PLK5: variants seen among roughly 807,000 people sequenced by gnomAD.
PLK5 encodes the protein polo like kinase 5 (inactive).
A neutral mutation model predicts 33.7 loss-of-function variants in PLK5; 28 were observed. The observed-to-expected ratio is 0.83, with a 90% CI of 0.62 to 1.14. The LOEUF (loss-of-function observed/expected upper bound fraction) is 1.14. Ranked by LOEUF, PLK5 falls within the 50% of genes most tolerant of loss-of-function variation. The probability of loss-of-function intolerance (pLI) is 0.00; values close to 1 mark genes in which losing one functional copy is unlikely to be tolerated. For synonymous variants in PLK5, 225 were observed against 202.2 expected (o/e 1.11, Z -0.96); for missense variants, 492 against 461.5 (o/e 1.07, Z -0.61).
In PLK5 at chr19:1,526,994, A is replaced by G. The variant is rs1411878354; in HGVS notation, c.-3A>G. The G allele has an allele frequency of 6.6e-7, 1 of 1,513,370 alleles. No individual in the cohort carries two copies. Among genetic ancestry groups the G allele is most frequent in the Non-Finnish European group, 8.8e-7 (1 of 1,134,452 alleles). 93.7% of individuals were successfully genotyped at this position (1,513,370 alleles called of 1,614,324 possible). ...GTAGGACATCTGGGCTCTGGGCTGC[A>G]TCATGTGAGTGGGGTCCTGGAGAAG... On this transcript the variant is annotated 5_prime_UTR_variant, in exon 6 of 14. Transcript: ENST00000454744.
In PLK5 at chr19:1,526,524, G is replaced by A. The variant is rs539789037; in HGVS notation, c.-274G>A. 96 of 279,256 alleles carry A rather than the reference G, an allele frequency of 3.4e-4. 1 individual carries two copies. The highest frequency in any genetic ancestry group is 1.9e-3 in the African/African-American group (84 of 43,202). 17.3% of individuals were successfully genotyped at this position (279,256 alleles called of 1,614,324 possible). On this transcript the variant is annotated 5_prime_UTR_variant, in exon 4 of 14. Coordinates refer to ENST00000454744, the MANE Select transcript of PLK5 (RefSeq NM_001243079.2). ...TGCTGAGGGCGCGGCAGATCCTGAC[G>A]GAGCCAGAAGTGCGCGACTACCTGC...
chr19:1,526,385 GCACCTGCGCT>G, intron 3 of PLK5, 91 bp from the exon 4 acceptor site: 1 of 179,030 alleles, frequency 5.6e-6, no homozygotes, highest in South Asian at 1.0e-4. Flanking sequence ...TCACCTGTGT[GCACCTGCGCT>G]CACCTGTGCT....
chr19:1,528,873 C>T (rs755896867), intron 8 of PLK5, 25 bp from the exon 9 acceptor site: 3 of 1,490,568 alleles, frequency 2.0e-6, no homozygotes, highest in Non-Finnish European at 8.9e-7. Context: ...GCTGTGCCCC[C>T]TCCAAGGCCT....
chr19:1,534,528 G>A (rs1182838544), intron 13 of PLK5, among the ~76,000 whole-genome samples: 55 of 134,906 alleles, frequency 4.1e-4, no homozygotes, highest in Non-Finnish European at 7.0e-4. Context: ...AAAAAAGGCC[G>A]GGCACGGTGG....
chr19:1,534,560 C>T (rs1914033224), intron 13 of PLK5, among the ~76,000 whole-genome samples: 1 of 146,486 alleles, frequency 6.8e-6, no homozygotes, highest in South Asian at 2.1e-4. Flanking sequence ...AATCCCAGCA[C>T]TTTGGGAGGC....
chr19:1,533,895 CCTG>C (rs974840974), intron 12 of PLK5, 33 bp from the exon 13 acceptor site: 1 of 1,478,456 alleles, frequency 6.8e-7, no homozygotes, highest in African/African-American at 1.4e-5. Flanking sequence ...GGGGACGCCC[CCTG>C]CGTCACGTGA....
At position 1,524,296 on chromosome 19, in the gene PLK5, T is replaced by TGG. The variant is rs879512637; in HGVS notation, c.-544+53_-544+54dup. 3 of 151,130 alleles carry TGG rather than the reference T, an allele frequency of 2.0e-5. No homozygotes were observed. The highest frequency in any genetic ancestry group is 3.0e-5 in the Non-Finnish European group (2 of 67,698). 9.4% of individuals were successfully genotyped at this position (151,130 alleles called of 1,614,324 possible). A position where few individuals can be genotyped will look rare whatever the true frequency, so the allele number is the denominator to read the frequency against. On this transcript the variant is annotated intron_variant, in intron 1 of 13. Transcript: ENST00000454744. This position sits in a 1 kb window ranked among gnomAD's most constrained non-coding sequence, Gnocchi z 4.5. Reference sequence around the variant, plus strand: ...GCGACGGGGCCGGACCGGGCTGGGCTGGGGTCCCGGGGCGCGCGGGCGATC... The same window carrying TGG: ...GCGACGGGGCCGGACCGGGCTGGGCTGGGGGGTCCCGGGGCGCGCGGGCGATC...
At chr19:1,527,639 A>G (rs1315978064) in intron 6 of PLK5, among the ~76,000 whole-genome samples, 1 of 151,968 alleles carries the variant, frequency 6.6e-6, no homozygotes, top group Non-Finnish European at 1.5e-5. Context: ...AGGTGTATGC[A>G]GGTGAGTTCA....
Position 1,533,987 on chromosome 19 carries a change from C to T in PLK5, c.771C>T (p.Arg257=). 6.5e-7 allele frequency: 1 copy of T among 1,535,416 alleles called. No individual in the cohort carries two copies. The highest frequency in any genetic ancestry group is 8.7e-7 in the Non-Finnish European group (1 of 1,146,788). The change falls in exon 13 of 14, where the codon CGC becomes CGT. Residue 257 remains arginine (R), a synonymous_variant. Transcript: ENST00000454744. ...CTGGACCCGGCCTCTGCCTCCTGCG[C>T]TTCCTGGCCTCTGAGCACGCCCTGC... ...PPAGPGLCLL[R]FLASEHALLL... is the part of the protein sequence containing the mutation.
rs986381953 is a variant in PLK5, at chr19:1,531,402, T to C, written c.569-336T>C. Among the ~76,000 whole-genome samples the C allele has an allele frequency of 2.2e-5, 3 of 138,098 alleles. No homozygotes were observed. The Admixed American group carries it at 2.4e-4, about 11-fold the overall frequency. The allele number at this position is 138,098 out of a possible 152,430, so 90.6% of individuals were successfully genotyped here. Reference sequence around the variant, plus strand: ...CCAGCCTGGGGACAGAGCAAGACTCTGTCTCAAAAAAACAAAACAAAACAA... The same window carrying C: ...CCAGCCTGGGGACAGAGCAAGACTCCGTCTCAAAAAAACAAAACAAAACAA... On this transcript the variant is annotated intron_variant, in intron 11 of 13. Transcript: ENST00000454744.
chr19:1,528,345 C>A lies in PLK5; in HGVS notation c.245C>A (p.Pro82His). 1 of 1,535,726 alleles carries A rather than the reference C, an allele frequency of 6.5e-7. No individual in the cohort carries two copies. The highest frequency in any genetic ancestry group is 8.7e-7 in the Non-Finnish European group (1 of 1,146,754). The change falls in exon 8 of 14, where the codon CCC becomes CAC. Residue 82 changes from proline (P) to histidine (H), a missense_variant. Transcript: ENST00000454744. ...CTGCCGGCCCACTCCTGCCACAGTC[C>A]CCCCATCTTCGCCATACCCCCGCCT... ...DRLPAHSCHS[P>H]PIFAIPPPLG...
At chr19:1,527,107 G>A in intron 6 of PLK5, 109 bp downstream of exon 6, 1 of 1,204,800 alleles carries the variant, frequency 8.3e-7, no homozygotes, top group Non-Finnish European at 1.1e-6. Flanking sequence ...TGGGGCGCGT[G>A]GAACAGGCAC....
chr19:1,532,521 CTTTTTTTT>C (rs10545181), intron 12 of PLK5, among the ~76,000 whole-genome samples: 4 of 118,794 alleles, frequency 3.4e-5, no homozygotes, highest in African/African-American at 1.2e-4. Context: ...AAATTTTCTT[CTTTTTTTT>C]TTTTTTTTTT....
rs188820262 is a variant in PLK5 at position 1,535,891 on chromosome 19, A to G, written c.*641A>G. 3.0e-4 allele frequency: 46 copies of G among 152,390 alleles called. No homozygotes were observed. The highest frequency in any genetic ancestry group is 1.1e-3 in the African/African-American group (45 of 41,526). 9.4% of individuals were successfully genotyped at this position (152,390 alleles called of 1,614,324 possible). A position where few individuals can be genotyped will look rare whatever the true frequency, so the allele number is the denominator to read the frequency against. ...ACCCTGTCTCAACAACAACAAAAGT[A>G]GTACCAGAAGTGGGGTTCTGCCATA... is the stretch of plus-strand genomic sequence containing the variant. On this transcript the variant is annotated 3_prime_UTR_variant, in exon 14 of 14. Coordinates refer to ENST00000454744, the MANE Select transcript of PLK5 (RefSeq NM_001243079.2).
intron 5 of PLK5, 43 bp from the exon 6 acceptor site, chr19:1,526,860 G>A (rs1285198171): frequency 8.1e-6 from 9 of 1,109,844 alleles, no homozygotes; most frequent in East Asian, 5.2e-5. Flanking sequence ...AGTCTGGCAC[G>A]GGGATCCCAG....
intron 13 of PLK5, 96 bp downstream of exon 13, chr19:1,534,137 G>T: frequency 2.5e-6 from 2 of 812,730 alleles, no homozygotes; most frequent in Non-Finnish European, 3.8e-6. Flanking sequence ...GGAGCCTTAG[G>T]AAGCATTTGC....
chr19:1,534,155 G>GA (rs34242824), intron 13 of PLK5, 114 bp downstream of exon 13: 124,574 of 518,912 alleles, frequency 0.24, 9,283 homozygotes, highest in African/African-American at 0.34. Context: ...TGCCTCCCAG[G>GA]AAAAAAAAAA....
rs372641922 is a variant in PLK5, at chr19:1,535,137, G to A, written c.898G>A (p.Glu300Lys). 6.5e-7 allele frequency: 1 copy of A among 1,535,866 alleles called. No homozygotes were observed. The highest frequency in any genetic ancestry group is 8.7e-7 in the Non-Finnish European group (1 of 1,146,760). The change falls in exon 14 of 14, where the codon GAG becomes AAG. Residue 300 changes from glutamate to lysine, a missense_variant. Glu to Lys is a moderately conservative substitution (Grantham distance 56). Transcript: ENST00000454744. ...EGEGLQLTLWEQGSPGTSYSL... is the reference protein window; with the variant it reads ...EGEGLQLTLWKQGSPGTSYSL... ...TGAGGGTTTGCAGCTCACCCTCTGGGAGCAGGGGTCCCCTGGCACCTCCTA... is the reference window on the plus strand; with the variant it reads ...TGAGGGTTTGCAGCTCACCCTCTGGAAGCAGGGGTCCCCTGGCACCTCCTA...
In PLK5 at chr19:1,528,046, C is replaced by T. The variant is rs774749098; in HGVS notation, c.113C>T (p.Ala38Val). The change falls in exon 7 of 14, where the codon GCG (alanine) becomes GTG (valine). Residue 38 changes from alanine to valine, a missense_variant. Coordinates refer to ENST00000454744, the MANE Select transcript of PLK5 (RefSeq NM_001243079.2). ...YPEPAHLSAN[A>V]RRLIVHLLAP... ...GAACCCGCTCACCTGTCTGCCAATG[C>T]GCGCCGCCTCATCGTGCACCTCCTA... The T allele has an allele frequency of 1.8e-5, 27 of 1,536,008 alleles. No individual in the cohort carries two copies. The highest frequency in any genetic ancestry group is 1.7e-4 in the East Asian group (7 of 40,928).
Sources: allele counts gnomAD v4.1 joint callset (sites outside exome capture counted in the v4.1 genomes callset), GRCh38; gene constraint gnomAD v4.1.1; non-coding constraint Gnocchi (gnomAD v3.1); transcripts MANE v1.5; gene names NCBI Gene and HGNC (gene_info 2026-07-23, HGNC 2026-07-21).